RBFOX1: variants seen among roughly 807,000 people sequenced by gnomAD.
RBFOX1 encodes RNA binding fox-1 homolog 1, also known as RNA binding protein fox-1 homolog 1.
In RBFOX1, 8 loss-of-function variants were observed where a neutral mutation model predicts 57.7. That is an observed-to-expected ratio of 0.14 (90% CI 0.08 to 0.25). The LOEUF (loss-of-function observed/expected upper bound fraction) is 0.25, where lower values mean the gene tolerates loss of function less well. Ranked by LOEUF, RBFOX1 falls within the 10% of genes least tolerant of loss-of-function variation. RBFOX1 has a pLI of 1.00. For missense variants in RBFOX1, 611 were observed against 548.5 expected, an observed-to-expected ratio of 1.11 and a Z score of -1.14; for synonymous variants, 326 against 222.4, an observed-to-expected ratio of 1.47 and a Z score of -4.15.
intron 2 of RBFOX1, among the ~76,000 whole-genome samples, chr16:6,324,983 C>G (rs1287027964): frequency 6.6e-6 from 1 of 152,138 alleles, no homozygotes; most frequent in African/African-American, 2.4e-5. Flanking sequence ...TCAGTACAGA[C>G]ATTTTGCTTT....
intron 3 of RBFOX1, among the ~76,000 whole-genome samples, chr16:5,619,180 T>C (rs997569902): frequency 1.3e-5 from 2 of 152,300 alleles, no homozygotes; most frequent in South Asian, 4.1e-4. Flanking sequence ...TCTAAGGCTA[T>C]GTTCGTTCTT....
intron 5 of RBFOX1, among the ~76,000 whole-genome samples, chr16:7,524,481 T>G (rs906847232): frequency 2.0e-5 from 3 of 152,224 alleles, no homozygotes; most frequent in African/African-American, 7.2e-5. Context: ...TGACAAGGTA[T>G]TTTACTCTTG....
At chr16:5,279,581 A>T (rs1478093081) in intron 1 of RBFOX1, among the ~76,000 whole-genome samples, 3 of 152,174 alleles carry the variant, frequency 2.0e-5, no homozygotes, top group Non-Finnish European at 4.4e-5. Flanking sequence ...GGCTCACTGC[A>T]ACCTCCGCCT....
At chr16:7,254,671 A>G (rs112828412) in intron 4 of RBFOX1, among the ~76,000 whole-genome samples, 3 of 152,266 alleles carry the variant, frequency 2.0e-5, no homozygotes, top group Admixed American at 1.3e-4. Flanking sequence ...GGTGAAAGCC[A>G]TTCAAATCTA....
At chr16:6,852,638 G>C (rs1052997706) in intron 3 of RBFOX1, among the ~76,000 whole-genome samples, 1 of 152,124 alleles carries the variant, frequency 6.6e-6, no homozygotes, top group Non-Finnish European at 1.5e-5. Flanking sequence ...GTCTGGGAGA[G>C]GTACATGCTG....
At chr16:5,348,085 A>C (rs2065183660) in intron 1 of RBFOX1, among the ~76,000 whole-genome samples, 1 of 111,512 alleles carries the variant, frequency 9.0e-6, no homozygotes, top group Non-Finnish European at 1.8e-5. Context: ...CCACTCACTC[A>C]CCCACTGTTC....
intron 2 of RBFOX1, among the ~76,000 whole-genome samples, chr16:6,565,082 G>A (rs1458025945): frequency 7.1e-6 from 1 of 140,112 alleles, no homozygotes; most frequent in Non-Finnish European, 1.5e-5. Flanking sequence ...AGTGAGCAGA[G>A]ATTGCATCAC....
intron 4 of RBFOX1, among the ~76,000 whole-genome samples, chr16:7,483,591 A>T (rs2064582275): frequency 6.6e-6 from 1 of 152,148 alleles, no homozygotes; most frequent in Non-Finnish European, 1.5e-5. Flanking sequence ...GTTTGAATTG[A>T]GGATACAGAT....
At chr16:5,599,080 C>A (rs761938112) in exon 3 of RBFOX1, 2 of 954,714 alleles carry the variant, frequency 2.1e-6, no homozygotes, top group Non-Finnish European at 3.2e-6. Flanking sequence ...ACTGATCTTG[C>A]TGGAGAATTA....
chr16:6,558,787 A>T (rs1212634512), intron 2 of RBFOX1, among the ~76,000 whole-genome samples: 1 of 84,780 alleles, frequency 1.2e-5, no homozygotes, highest in African/African-American at 4.9e-5. Flanking sequence ...CCACCCCCTG[A>T]CTTAAATCCT....
intron 3 of RBFOX1, among the ~76,000 whole-genome samples, chr16:7,010,669 T>G (rs969844022): frequency 6.6e-6 from 1 of 152,080 alleles, no homozygotes; most frequent in Non-Finnish European, 1.5e-5. Flanking sequence ...GTTCAAGAGA[T>G]TCTCCTGCCT....
In RBFOX1 at chr16:7,495,874, T is replaced by C. The variant is rs530077030; in HGVS notation, c.28-22273T>C. 5.2e-4 allele frequency among the ~76,000 whole-genome samples: 76 copies of C among 145,858 alleles called. No individual in the cohort carries two copies. In the Admixed American group the frequency reaches 5.3e-3, roughly 10 times the overall value. ...ATTGAAATAAAAAATAAATTACTTT[T>C]TTTCTTCTCCATTCAAAGATACTAG... On this transcript the variant is annotated intron_variant, in intron 4 of 15. Coordinates refer to ENST00000550418, the MANE Select transcript of RBFOX1 (RefSeq NM_018723.4).
At chr16:6,062,839 G>A (rs953005106) in intron 1 of RBFOX1, among the ~76,000 whole-genome samples, 4 of 152,180 alleles carry the variant, frequency 2.6e-5, no homozygotes, top group Admixed American at 2.0e-4. Context: ...CAGATTAGCA[G>A]GCTGGAAATT....
At chr16:6,359,217 T>C (rs2087949477) in intron 2 of RBFOX1, among the ~76,000 whole-genome samples, 1 of 152,078 alleles carries the variant, frequency 6.6e-6, no homozygotes, top group African/African-American at 2.4e-5. Context: ...CTCTGCCTCC[T>C]GAGTAGCTGG....
At chr16:6,080,220 C>G (rs944498924) in intron 1 of RBFOX1, among the ~76,000 whole-genome samples, 3 of 152,108 alleles carry the variant, frequency 2.0e-5, no homozygotes, top group African/African-American at 4.8e-5. Context: ...TCCGTGGTTT[C>G]CTTCCTGATC....
At chr16:7,475,051 C>G (rs768638352) in intron 4 of RBFOX1, among the ~76,000 whole-genome samples, 1 of 152,130 alleles carries the variant, frequency 6.6e-6, no homozygotes, top group Non-Finnish European at 1.5e-5. Flanking sequence ...AGGTTGTTCA[C>G]CAAATCAGAG....
intron 4 of RBFOX1, among the ~76,000 whole-genome samples, chr16:7,212,568 A>C (rs533952654): frequency 1.3e-5 from 2 of 152,186 alleles, no homozygotes; most frequent in Non-Finnish European, 2.9e-5. Flanking sequence ...TTTTCCAAGC[A>C]GAGTAGTCTC....
rs145221481 is a variant in RBFOX1, at chr16:6,971,281, A to G, written c.-15-80776A>G. Among the ~76,000 whole-genome samples, 50 of 152,288 alleles carry G rather than the reference A, an allele frequency of 3.3e-4. No homozygotes were observed. In the East Asian group the frequency reaches 8.5e-3, roughly 26 times the overall value. ...CTTCTGGAACACCTTGGGGATTCAT[A>G]TGTAAGCTGAGATAGGAAAGCGAGG... On this transcript the variant is annotated intron_variant, in intron 3 of 15. Coordinates refer to ENST00000550418, the MANE Select transcript of RBFOX1 (RefSeq NM_018723.4).
intron 3 of RBFOX1, among the ~76,000 whole-genome samples, chr16:6,678,428 G>C (rs2058099305): frequency 6.6e-6 from 1 of 151,668 alleles, no homozygotes; most frequent in Admixed American, 6.6e-5. Context: ...CTGGCCAAAA[G>C]TTATTTATGA....
Sources: allele counts gnomAD v4.1 joint callset (sites outside exome capture counted in the v4.1 genomes callset), GRCh38; gene constraint gnomAD v4.1.1; transcripts MANE v1.5; gene names NCBI Gene and HGNC (gene_info 2026-07-23, HGNC 2026-07-21).